The following GLIS3 variants were observed in gnomAD, a reference collection of about 807,000 sequenced individuals.
GLIS3 encodes zinc finger protein GLIS3.
In GLIS3, 53 loss-of-function variants were observed where a neutral mutation model predicts 78.6. That is an observed-to-expected ratio of 0.67 (90% CI 0.54 to 0.85). The LOEUF is 0.85. Among genes scored for constraint, GLIS3 ranks in the 40% least tolerant of loss-of-function variants. The probability of loss-of-function intolerance (pLI) is 0.00; values close to 1 mark genes in which losing one functional copy is unlikely to be tolerated. For synonymous variants in GLIS3, 684 were observed against 509.9 expected (o/e 1.34, Z -4.60); for missense variants, 1,703 against 1,231.1 (o/e 1.38, Z -5.74).
chr9:3,911,306 A>T (rs532529240), intron 6 of GLIS3, among the ~76,000 whole-genome samples: 1 of 152,190 alleles, frequency 6.6e-6, no homozygotes, highest in African/African-American at 2.4e-5. Context: ...ATCTTTTTCC[A>T]TATGTTACGC....
chr9:4,355,160 A>C, the GLIS3 span, among the ~76,000 whole-genome samples: 3 of 151,916 alleles, frequency 2.0e-5, no homozygotes, highest in African/African-American at 7.3e-5. Context: ...AAAAAGAAAA[A>C]AGAGAGAGAG....
intron 2 of GLIS3, among the ~76,000 whole-genome samples, chr9:4,277,160 C>A (rs1355605613): frequency 2.6e-5 from 4 of 152,172 alleles, no homozygotes; most frequent in Admixed American, 2.6e-4. Flanking sequence ...ACACGGTACA[C>A]ACACTGGTGT....
At chr9:4,184,743 A>C (rs940838912) in intron 2 of GLIS3, among the ~76,000 whole-genome samples, 4 of 152,208 alleles carry the variant, frequency 2.6e-5, no homozygotes, top group African/African-American at 9.6e-5. Flanking sequence ...CCCCTATACA[A>C]CATCTGATAA....
upstream of GLIS3, among the ~76,000 whole-genome samples, chr9:4,349,581 A>G (rs1303671393): frequency 6.6e-6 from 1 of 152,176 alleles, no homozygotes; most frequent in Non-Finnish European, 1.5e-5. Context: ...AAACTTTGTT[A>G]ATTTAGATTG....
At chr9:3,886,745 T>C (rs1008279855) in intron 7 of GLIS3, among the ~76,000 whole-genome samples, 1 of 152,180 alleles carries the variant, frequency 6.6e-6, no homozygotes, top group African/African-American at 2.4e-5. Context: ...TGTCCTTCAA[T>C]GAAAAATGCT....
chr9:4,004,425 A>T (rs1031578141), intron 4 of GLIS3, among the ~76,000 whole-genome samples: 8 of 152,314 alleles, frequency 5.3e-5, no homozygotes, highest in African/African-American at 1.7e-4. Context: ...AATGTTTTTG[A>T]TGATGAGGCT....
chr9:4,040,770 T>C (rs1824740965), intron 4 of GLIS3, among the ~76,000 whole-genome samples: 2 of 152,212 alleles, frequency 1.3e-5, no homozygotes, highest in Non-Finnish European at 2.9e-5. Flanking sequence ...GTTCAGTAGA[T>C]CGTTCTACCA....
At chr9:4,397,317 A>G in the GLIS3 span, among the ~76,000 whole-genome samples, 21,406 of 148,232 alleles carry the variant, frequency 0.14, 1,717 homozygotes, top group South Asian at 0.21. Flanking sequence ...GAGCCACCAC[A>G]CCCTGCCGTC....
chr9:4,014,384 G>C (rs1588455102), intron 4 of GLIS3, among the ~76,000 whole-genome samples: 1 of 152,158 alleles, frequency 6.6e-6, no homozygotes, highest in Non-Finnish European at 1.5e-5. Flanking sequence ...TTTAGAAATA[G>C]AGTCTCTGCA....
chr9:4,364,710 TTATATATA>T, the GLIS3 span, among the ~76,000 whole-genome samples: 3,471 of 134,370 alleles, frequency 0.026, 163 homozygotes, highest in African/African-American at 0.091. Context: ...TTATTACACT[TTATATATA>T]TATATATATT....
At chr9:4,376,012 A>G in the GLIS3 span, among the ~76,000 whole-genome samples, 5 of 152,222 alleles carry the variant, frequency 3.3e-5, no homozygotes, top group African/African-American at 7.2e-5. Context: ...TGAGCTTCAC[A>G]GGAATGCTGA....
At position 4,286,394 on chromosome 9, in the gene GLIS3, T is replaced by A. The variant is rs940080024; in HGVS notation, c.32A>T (p.His11Leu). Reference protein sequence around the residue: MNGRSCSMSLHRTSGTPQGPR... With the variant: MNGRSCSMSLLRTSGTPQGPR... Reference sequence around the variant, plus strand: ...CCCCTGTGGGGTTCCCGATGTCCGGTGGAGACTCATGCTGCATGATCTTCC... The same window carrying A: ...CCCCTGTGGGGTTCCCGATGTCCGGAGGAGACTCATGCTGCATGATCTTCC... Residue 11 changes from histidine to leucine, a missense_variant, in exon 2 of 11, where the codon CAC becomes CTC. Physicochemically the swap from His to Leu is moderately conservative, Grantham distance 99. Transcript: ENST00000381971. 1 of 1,614,166 alleles carries A rather than the reference T, an allele frequency of 6.2e-7. No individual in the cohort carries two copies. The highest frequency in any genetic ancestry group is 8.5e-7 in the Non-Finnish European group (1 of 1,180,034).
At chr9:3,961,744 A>G (rs777462354) in intron 4 of GLIS3, among the ~76,000 whole-genome samples, 16 of 152,214 alleles carry the variant, frequency 1.1e-4, no homozygotes, top group Non-Finnish European at 2.1e-4. Context: ...CATATCTATT[A>G]ATTTCAAAAA....
At chr9:4,012,359 C>G (rs1248262250) in intron 4 of GLIS3, among the ~76,000 whole-genome samples, 2 of 152,050 alleles carry the variant, frequency 1.3e-5, no homozygotes, top group Admixed American at 1.3e-4. Context: ...TTTGAAGAAC[C>G]AATATAGAAC....
chr9:4,423,001 G>C, the GLIS3 span, among the ~76,000 whole-genome samples: 3 of 152,124 alleles, frequency 2.0e-5, no homozygotes, highest in Admixed American at 6.5e-5. Flanking sequence ...GAGAAAATTA[G>C]GTGTGTTCTA....
chr9:4,013,603 T>G (rs2130063596), intron 4 of GLIS3, among the ~76,000 whole-genome samples: 1 of 152,346 alleles, frequency 6.6e-6, no homozygotes, highest in East Asian at 1.9e-4. Flanking sequence ...GGCTTCTCTA[T>G]CAAATGTAGA....
At chr9:4,261,084 G>C (rs1443157661) in intron 2 of GLIS3, among the ~76,000 whole-genome samples, 16 of 152,206 alleles carry the variant, frequency 1.1e-4, no homozygotes, top group Non-Finnish European at 1.9e-4. Context: ...GCAAGTACAA[G>C]CTAATCTTCC....
chr9:4,470,142 C>G, the GLIS3 span, among the ~76,000 whole-genome samples: 1 of 152,210 alleles, frequency 6.6e-6, no homozygotes, highest in African/African-American at 2.4e-5. Context: ...AGTCCAGGAC[C>G]AGACGGATTC....
chr9:4,245,535 T>C (rs771007470), intron 2 of GLIS3, among the ~76,000 whole-genome samples: 4 of 152,246 alleles, frequency 2.6e-5, no homozygotes, highest in Non-Finnish European at 4.4e-5. Context: ...CGAAGAGCTA[T>C]ATAAATGTAA....
Sources: allele counts gnomAD v4.1 joint callset (sites outside exome capture counted in the v4.1 genomes callset), GRCh38; gene constraint gnomAD v4.1.1; transcripts MANE v1.5; gene names NCBI Gene and HGNC (gene_info 2026-07-23, HGNC 2026-07-21).